GPHN: variants seen among roughly 807,000 people sequenced by gnomAD.
GPHN encodes gephyrin.
Under a neutral mutation model 95.5 loss-of-function variants are expected in GPHN, and 17 were observed. The ratio of observed to expected loss-of-function variants is 0.18; its 90% confidence interval spans 0.12 to 0.27. The LOEUF is 0.27. Ranked by LOEUF, GPHN falls within the 10% of genes least tolerant of loss-of-function variation. GPHN has a pLI of 1.00. For missense variants in GPHN, 660 were observed against 978.1 expected (o/e 0.67, Z 4.34); for synonymous variants, 320 against 322.5 (o/e 0.99, Z 0.08).
rs904371942 is a variant in GPHN at position 67,181,074 on chromosome 14, A to G, written c.*137A>G. 6.7e-6 allele frequency: 5 copies of G among 744,390 alleles called. No individual in the cohort carries two copies. Among genetic ancestry groups the G allele is most frequent in the African/African-American group, 3.5e-5 (2 of 56,586 alleles). 46.1% of individuals were successfully genotyped at this position (744,390 alleles called of 1,614,324 possible). On this transcript the variant is annotated 3_prime_UTR_variant, in exon 23 of 23. Transcript: ENST00000478722. ...AGTCAACATCTTGAACTATATTTCA[A>G]ATGAATTTAAATATCTTTTAAAGAA...
chr14:67,648,389 C>A, the GPHN span: 1 of 452,278 alleles, frequency 2.2e-6, no homozygotes, highest in Non-Finnish European at 3.8e-6. Flanking sequence ...TACCAAATTA[C>A]ACTAAGGTAA....
chr14:67,642,215 A>G, the GPHN span: 5 of 1,614,070 alleles, frequency 3.1e-6, no homozygotes, highest in Non-Finnish European at 4.2e-6. Context: ...TGGAGATTTG[A>G]GTTTTACTCC....
In GPHN at chr14:66,806,646, A is replaced by G. The variant is rs189354614; in HGVS notation, c.202-17828A>G. Among the ~76,000 whole-genome samples the G allele has an allele frequency of 6.0e-3, 913 of 152,292 alleles. 2 individuals are homozygous for G. Among genetic ancestry groups the G allele is most frequent in the Admixed American group, 9.9e-3 (152 of 15,300 alleles). The stretch of plus-strand genomic sequence containing the variant: ...ATCTCTCTCAAGTTCAAAGTTATTG[A>G]ACTCTCTAGGGCAGAGTCAAAATGC... On this transcript the variant is annotated intron_variant, in intron 3 of 22. Coordinates refer to ENST00000478722, the MANE Select transcript of GPHN (RefSeq NM_020806.5).
At chr14:66,680,521 G>A (rs901240962) in intron 1 of GPHN, among the ~76,000 whole-genome samples, 2 of 152,186 alleles carry the variant, frequency 1.3e-5, no homozygotes, top group African/African-American at 4.8e-5. Flanking sequence ...GACTTCATCA[G>A]ATTCCAGTTT....
intron 4 of GPHN, among the ~76,000 whole-genome samples, chr14:66,862,697 C>T (rs989105516): frequency 2.6e-5 from 4 of 151,906 alleles, no homozygotes; most frequent in African/African-American, 9.7e-5. Context: ...CATCATACAT[C>T]CTATCAACAG....
the GPHN span, among the ~76,000 whole-genome samples, chr14:67,641,489 T>C: frequency 6.6e-6 from 1 of 152,200 alleles, no homozygotes; most frequent in Non-Finnish European, 1.5e-5. Context: ...ATCCACCAAA[T>C]AGGCACATTT....
At chr14:67,714,646 A>C in the GPHN span, 1 of 161,158 alleles carries the variant, frequency 6.2e-6, no homozygotes, top group Non-Finnish European at 1.4e-5. Flanking sequence ...GCAAATCTAC[A>C]AGAAAGGTTA....
At chr14:67,085,182 A>T (rs2076835309) in intron 11 of GPHN, among the ~76,000 whole-genome samples, 1 of 152,194 alleles carries the variant, frequency 6.6e-6, no homozygotes, top group Admixed American at 6.5e-5. Flanking sequence ...TATTATTGCA[A>T]ACTACCAGAA....
chr14:67,397,465 G>A, the GPHN span, among the ~76,000 whole-genome samples: 1 of 152,228 alleles, frequency 6.6e-6, no homozygotes, highest in African/African-American at 2.4e-5. Flanking sequence ...TTTTACAGAT[G>A]AGGAACGAAG....
At chr14:67,406,214 G>A in the GPHN span, among the ~76,000 whole-genome samples, 1 of 150,522 alleles carries the variant, frequency 6.6e-6, no homozygotes, top group South Asian at 2.1e-4. Flanking sequence ...AGCCAAGATG[G>A]CGCCACTGCA....
At chr14:67,393,826 T>C in the GPHN span, among the ~76,000 whole-genome samples, 3 of 152,120 alleles carry the variant, frequency 2.0e-5, no homozygotes, top group Admixed American at 6.6e-5. Flanking sequence ...AAGATGTTTA[T>C]CTAACCTCCC....
At chr14:67,025,855 G>A (rs2073897991) in intron 10 of GPHN, among the ~76,000 whole-genome samples, 1 of 152,076 alleles carries the variant, frequency 6.6e-6, no homozygotes. Flanking sequence ...CTCTTTCGTG[G>A]CCACCAAATG....
At chr14:67,234,508 T>G in the GPHN span, among the ~76,000 whole-genome samples, 1 of 152,106 alleles carries the variant, frequency 6.6e-6, no homozygotes, top group Non-Finnish European at 1.5e-5. Flanking sequence ...TCAAGTTGAG[T>G]GAGTTCAAGA....
At chr14:67,070,994 A>G (rs1040884713) in intron 11 of GPHN, among the ~76,000 whole-genome samples, 1 of 152,106 alleles carries the variant, frequency 6.6e-6, no homozygotes, top group Non-Finnish European at 1.5e-5. Flanking sequence ...CAGGTGCTGG[A>G]GAGGATGTGA....
chr14:67,385,125 A>G, the GPHN span: 1 of 152,220 alleles, frequency 6.6e-6, no homozygotes, highest in African/African-American at 2.4e-5. Flanking sequence ...TAGCCAGAGA[A>G]TAGATCAGTA....
At chr14:66,516,913 C>T (rs915195336) in intron 1 of GPHN, among the ~76,000 whole-genome samples, 16 of 151,960 alleles carry the variant, frequency 1.1e-4, no homozygotes, top group Admixed American at 3.9e-4. Context: ...GGGCAGATCA[C>T]GAAGTCAGGA....
intron 1 of GPHN, among the ~76,000 whole-genome samples, chr14:66,609,310 C>A (rs77796655): frequency 6.6e-6 from 1 of 152,036 alleles, no homozygotes; most frequent in African/African-American, 2.4e-5. Context: ...CTGAGTAGCC[C>A]GCTACTATCC....
the GPHN span, among the ~76,000 whole-genome samples, chr14:67,337,111 A>T: frequency 3.9e-5 from 6 of 152,220 alleles, no homozygotes; most frequent in South Asian, 2.1e-4. Flanking sequence ...GGTTGTTGTA[A>T]TGAAGTAATA....
At chr14:67,139,667 T>C (rs2080332855) in intron 17 of GPHN, among the ~76,000 whole-genome samples, 1 of 152,170 alleles carries the variant, frequency 6.6e-6, no homozygotes, top group African/African-American at 2.4e-5. Context: ...TGTTGAGAGA[T>C]TATAGCATGC....
Sources: allele counts gnomAD v4.1 joint callset (sites outside exome capture counted in the v4.1 genomes callset), GRCh38; gene constraint gnomAD v4.1.1; transcripts MANE v1.5; gene names NCBI Gene and HGNC (gene_info 2026-07-23, HGNC 2026-07-21).